Variants in NOL10 observed in about 807,000 individuals in gnomAD.
The protein encoded by NOL10 is H_NH0074G24.1.
Under a neutral mutation model 103.5 loss-of-function variants are expected in NOL10, and 58 were observed. The observed-to-expected ratio is 0.56, with a 90% CI of 0.45 to 0.70. The LOEUF (loss-of-function observed/expected upper bound fraction) is 0.70, where lower values mean the gene tolerates loss of function less well. Among genes scored for constraint, NOL10 ranks in the 30% least tolerant of loss-of-function variants. The pLI is 0.00. For missense variants in NOL10, 763 were observed against 807.3 expected (o/e 0.95, Z 0.67); for synonymous variants, 287 against 282.5 (o/e 1.02, Z -0.16).
At position 10,682,023 on chromosome 2, in the gene NOL10, A is replaced by T. The variant is rs772686281; in HGVS notation, c.159T>A (p.Thr53=). The T allele has an allele frequency of 4.9e-5, 75 of 1,539,146 alleles. 1 individual carries two copies. In the Middle Eastern group the frequency reaches 1.4e-3, roughly 28 times the overall value. The change falls in exon 3 of 21, where the codon ACT becomes ACA. Residue 53 remains threonine, a synonymous_variant. Coordinates refer to ENST00000381685, the MANE Select transcript of NOL10 (RefSeq NM_024894.4). ...TTGACACCTTAATAGTGGTACACACAGTAGGCATTTCAAAGTCCTGAATAA... is the reference window on the plus strand; with the variant it reads ...TTGACACCTTAATAGTGGTACACACTGTAGGCATTTCAAAGTCCTGAATAA... The part of the protein sequence containing the change: ...IELIQDFEMP[T]VCTTIKVSKD...
intron 13 of NOL10, among the ~76,000 whole-genome samples, chr2:10,616,669 CCTT>C: frequency 6.6e-6 from 1 of 152,252 alleles, no homozygotes; most frequent in Non-Finnish European, 1.5e-5. Flanking sequence ...CCACCTCAGC[CCTT>C]CAAGTAGCTG....
chr2:10,630,944 G>A (rs1467606310), intron 13 of NOL10, among the ~76,000 whole-genome samples: 1 of 152,140 alleles, frequency 6.6e-6, no homozygotes, highest in African/African-American at 2.4e-5. Flanking sequence ...AAATTCCCTA[G>A]GGAAGAGTTT....
At chr2:10,587,210 T>C (rs1347287457) in intron 19 of NOL10, among the ~76,000 whole-genome samples, 4 of 59,058 alleles carry the variant, frequency 6.8e-5, no homozygotes, top group African/African-American at 1.1e-4. Context: ...TATACACATA[T>C]ATATATACAT....
At chr2:10,656,075 G>T (rs1229435493) in intron 11 of NOL10, among the ~76,000 whole-genome samples, 1 of 152,170 alleles carries the variant, frequency 6.6e-6, no homozygotes. Flanking sequence ...AGAAGTTAAA[G>T]GGTCTGGAAA....
chr2:10,658,067 C>T (rs1679962644), intron 10 of NOL10, among the ~76,000 whole-genome samples, 176 bp from the exon 11 acceptor site: 1 of 152,086 alleles, frequency 6.6e-6, no homozygotes, highest in African/African-American at 2.4e-5. Flanking sequence ...TTAAATAATC[C>T]TTAGAGTATA....
intron 20 of NOL10, among the ~76,000 whole-genome samples, chr2:10,574,746 C>CCTT (rs1358112431): frequency 5.3e-5 from 8 of 151,888 alleles, no homozygotes; most frequent in Admixed American, 2.0e-4. Context: ...AGTTAAGGTA[C>CCTT]CTTCATAAGT....
At chr2:10,674,893 A>G (rs975400406) in intron 4 of NOL10, among the ~76,000 whole-genome samples, 2 of 151,946 alleles carry the variant, frequency 1.3e-5, no homozygotes, top group African/African-American at 2.4e-5. Flanking sequence ...GCAGCAGAAG[A>G]AAAAGTCAGA....
At chr2:10,647,994 A>G (rs1454117171) in intron 12 of NOL10, among the ~76,000 whole-genome samples, 1 of 152,194 alleles carries the variant, frequency 6.6e-6, no homozygotes, top group Non-Finnish European at 1.5e-5. Flanking sequence ...AGTGGGACTC[A>G]AGACACACGT....
chr2:10,619,914 A>G (rs1378024087), intron 13 of NOL10, among the ~76,000 whole-genome samples: 2 of 152,214 alleles, frequency 1.3e-5, no homozygotes, highest in Admixed American at 6.5e-5. Flanking sequence ...GACTCTAAGC[A>G]ATGTTAAAGT....
intron 1 of NOL10, among the ~76,000 whole-genome samples, chr2:10,686,366 G>A (rs781172383): frequency 3.9e-5 from 6 of 152,178 alleles, no homozygotes; most frequent in East Asian, 1.9e-4. Flanking sequence ...GCCTGGTCTC[G>A]AGCAGTGAGA....
At chr2:10,662,857 C>A (rs906921659) in intron 9 of NOL10, 102 bp downstream of exon 9, 1 of 884,872 alleles carries the variant, frequency 1.1e-6, no homozygotes. Flanking sequence ...ATGGAAAGTA[C>A]AATTTCAGAT....
intron 13 of NOL10, among the ~76,000 whole-genome samples, 164 bp downstream of exon 13, chr2:10,644,156 G>A (rs532934538): frequency 1.2e-4 from 19 of 152,286 alleles, no homozygotes; most frequent in African/African-American, 4.3e-4. Flanking sequence ...GTTGAGGTAG[G>A]AGAATCACTT....
chr2:10,668,648 A>G lies in NOL10; in HGVS notation c.530+10T>C. 9.5e-7 allele frequency: 1 copy of G among 1,053,822 alleles called. No homozygotes were observed. The highest frequency in any genetic ancestry group is 3.0e-5 in the East Asian group (1 of 33,646). 65.3% of individuals were successfully genotyped at this position (1,053,822 alleles called of 1,614,324 possible). ...AAAATGTATATAGCAGAATTACTAA[A>G]ACTACTCACGCAGCATCAGTTTGTA... is the stretch of plus-strand genomic sequence containing the variant. On this transcript the variant is annotated intron_variant, in intron 7 of 20. Transcript: ENST00000381685.
At chr2:10,615,392 C>T (rs959080677) in intron 13 of NOL10, among the ~76,000 whole-genome samples, 3 of 152,116 alleles carry the variant, frequency 2.0e-5, no homozygotes, top group East Asian at 3.8e-4. Context: ...TCACTAATAG[C>T]CCATCAAGCA....
In NOL10 at chr2:10,644,300, C is replaced by T. The variant is rs1678912975; in HGVS notation, c.1026+20G>A. On this transcript the variant is annotated intron_variant, in intron 13 of 20. Coordinates refer to ENST00000381685, the MANE Select transcript of NOL10 (RefSeq NM_024894.4). The stretch of plus-strand genomic sequence containing the variant: ...TTTGCTTGTCCTATTTTTACTGAAA[C>T]TCCTCTTTGTATTACTTACTGGAAT... 1.4e-6 allele frequency: 2 copies of T among 1,469,592 alleles called. No homozygotes were observed. Among genetic ancestry groups the T allele is most frequent in the Non-Finnish European group, 1.8e-6 (2 of 1,105,850 alleles). The allele number at this position is 1,469,592 out of a possible 1,614,324, so 91.0% of individuals were successfully genotyped here.
intron 20 of NOL10, among the ~76,000 whole-genome samples, chr2:10,574,299 C>T (rs2148135952): frequency 6.6e-6 from 1 of 151,796 alleles, no homozygotes; most frequent in Admixed American, 6.6e-5. Flanking sequence ...GAACCAACAC[C>T]AGTTACTCAA....
chr2:10,576,849 T>A (rs138510980), intron 20 of NOL10, among the ~76,000 whole-genome samples: 1 of 152,144 alleles, frequency 6.6e-6, no homozygotes, highest in Non-Finnish European at 1.5e-5. Flanking sequence ...TTTAAAAGGA[T>A]GCATATGGTC....
At chr2:10,672,968 T>A (rs1358407983) in intron 5 of NOL10, among the ~76,000 whole-genome samples, 2 of 151,986 alleles carry the variant, frequency 1.3e-5, no homozygotes, top group African/African-American at 4.8e-5. Context: ...CCCTCCGGCC[T>A]GGGTGACAGA....
At chr2:10,684,542 T>G in intron 2 of NOL10, 25 bp downstream of exon 2, 1 of 1,554,092 alleles carries the variant, frequency 6.4e-7, no homozygotes, top group Non-Finnish European at 8.7e-7. Flanking sequence ...CTAACGCAGC[T>G]GAAGTGGGAA....
Sources: gnomAD v4.1 joint callset for allele counts (sites outside exome capture counted in the v4.1 genomes callset) on GRCh38, gnomAD v4.1.1 for gene constraint, MANE v1.5 for transcripts, NCBI Gene and HGNC (gene_info 2026-07-23, HGNC 2026-07-21) for gene names.